Variants in PXDNL observed in about 807,000 individuals in gnomAD.
PXDNL encodes the protein peroxidasin like, also known as probable oxidoreductase PXDNL.
PXDNL carries 145 observed loss-of-function variants against 150.8 expected under a neutral mutation model. That is an observed-to-expected ratio of 0.96 (90% CI 0.84 to 1.10). PXDNL has a LOEUF of 1.10. Ranked by LOEUF, PXDNL falls within the 50% of genes least tolerant of loss-of-function variation. PXDNL has a pLI of 0.00. For synonymous variants in PXDNL, 757 were observed against 725.7 expected, an observed-to-expected ratio of 1.04 and a Z score of -0.69; for missense variants, 2,087 against 1,873.9, an observed-to-expected ratio of 1.11 and a Z score of -2.10.
chr8:51,539,095 C>T (rs532107542), intron 4 of PXDNL, among the ~76,000 whole-genome samples: 10 of 152,140 alleles, frequency 6.6e-5, no homozygotes, highest in Admixed American at 1.3e-4. Context: ...TGAAATTCAC[C>T]AAGGGTCTTT....
At chr8:51,374,279 T>G (rs1165358018) in intron 18 of PXDNL, among the ~76,000 whole-genome samples, 1 of 152,206 alleles carries the variant, frequency 6.6e-6, no homozygotes, top group Non-Finnish European at 1.5e-5. Flanking sequence ...GTGATACATG[T>G]CTAAAGTTAA....
intron 3 of PXDNL, among the ~76,000 whole-genome samples, chr8:51,570,597 T>A (rs892930832): frequency 1.3e-5 from 2 of 151,976 alleles, no homozygotes; most frequent in Admixed American, 1.3e-4. Flanking sequence ...TTCAGCAACA[T>A]GAAAACCCAC....
intron 4 of PXDNL, among the ~76,000 whole-genome samples, chr8:51,527,333 T>A (rs1023173914): frequency 2.6e-5 from 4 of 152,156 alleles, no homozygotes; most frequent in Non-Finnish European, 5.9e-5. Context: ...GTTTGCTCCC[T>A]GCCACCTCAT....
At chr8:51,465,657 C>T (rs2130054388) in intron 8 of PXDNL, among the ~76,000 whole-genome samples, 1 of 152,174 alleles carries the variant, frequency 6.6e-6, no homozygotes, top group Non-Finnish European at 1.5e-5. Context: ...AAACCCTACA[C>T]TCCACCAAAG....
chr8:51,638,903 T>A (rs981290609), intron 2 of PXDNL, among the ~76,000 whole-genome samples: 1 of 152,226 alleles, frequency 6.6e-6, no homozygotes, highest in Non-Finnish European at 1.5e-5. Flanking sequence ...TATACATTCA[T>A]GTCAGCACCA....
At chr8:51,781,634 T>C (rs984791600) in intron 1 of PXDNL, among the ~76,000 whole-genome samples, 3 of 152,186 alleles carry the variant, frequency 2.0e-5, no homozygotes, top group Admixed American at 2.0e-4. Flanking sequence ...TGCATTCACA[T>C]AAAACATGTT....
At chr8:51,527,859 G>T (rs1447583666) in intron 4 of PXDNL, among the ~76,000 whole-genome samples, 1 of 152,208 alleles carries the variant, frequency 6.6e-6, no homozygotes, top group Non-Finnish European at 1.5e-5. Context: ...AAAATATGGA[G>T]AAAAGGAAGC....
At chr8:51,495,352 A>G (rs1199853931) in intron 5 of PXDNL, among the ~76,000 whole-genome samples, 2 of 152,158 alleles carry the variant, frequency 1.3e-5, no homozygotes, top group Non-Finnish European at 2.9e-5. Flanking sequence ...TTGACACCCT[A>G]ACATCACAAT....
intron 19 of PXDNL, among the ~76,000 whole-genome samples, chr8:51,350,997 C>T (rs984927964): frequency 5.3e-5 from 8 of 152,170 alleles, no homozygotes; most frequent in African/African-American, 1.7e-4. Flanking sequence ...TGTTTCACCT[C>T]AATTAGAATC....
intron 1 of PXDNL, among the ~76,000 whole-genome samples, chr8:51,755,577 C>T (rs575804323): frequency 6.6e-6 from 1 of 152,200 alleles, no homozygotes; most frequent in Non-Finnish European, 1.5e-5. Context: ...CAGGCATTAG[C>T]CGCCATGCTC....
chr8:51,494,894 A>T (rs1811007081), intron 5 of PXDNL, among the ~76,000 whole-genome samples: 1 of 152,080 alleles, frequency 6.6e-6, no homozygotes, highest in Non-Finnish European at 1.5e-5. Flanking sequence ...TAACAAGGAT[A>T]TCCAGGAATT....
intron 17 of PXDNL, among the ~76,000 whole-genome samples, chr8:51,387,262 C>T (rs1807745988): frequency 6.6e-6 from 1 of 152,236 alleles, no homozygotes; most frequent in Admixed American, 6.5e-5. Flanking sequence ...GTTTCTCCAG[C>T]TCATAAGTCC....
At chr8:51,578,859 A>G (rs1211040275) in intron 3 of PXDNL, among the ~76,000 whole-genome samples, 1 of 152,018 alleles carries the variant, frequency 6.6e-6, no homozygotes, top group Non-Finnish European at 1.5e-5. Flanking sequence ...TCAGTGGAGG[A>G]AAGAAAGCAT....
chr8:51,640,773 T>C (rs925024622), intron 2 of PXDNL, among the ~76,000 whole-genome samples: 17 of 152,010 alleles, frequency 1.1e-4, no homozygotes, highest in Admixed American at 2.6e-4. Context: ...ACAATGGCCA[T>C]ACTGCCCAAG....
In PXDNL at chr8:51,408,961, T is replaced by C; in HGVS notation, c.2663A>G (p.Asn888Ser). 4 of 1,612,616 alleles carry C rather than the reference T, an allele frequency of 2.5e-6. No individual in the cohort carries two copies. The highest frequency in any genetic ancestry group is 3.4e-6 in the Non-Finnish European group (4 of 1,179,862). ...VDSVYAREQINQQTAYIDGSN... is the reference protein window; with the variant it reads ...VDSVYAREQISQQTAYIDGSN... ...GCCATCGATGTAGGCTGTTTGCTGGTTGATCTGCTCTCGTGCATAGACTGA... is the reference window on the plus strand; with the variant it reads ...GCCATCGATGTAGGCTGTTTGCTGGCTGATCTGCTCTCGTGCATAGACTGA... Residue 888 changes from asparagine (N) to serine (S), a missense_variant, in exon 17 of 23, where the codon AAC (asparagine) becomes AGC (serine). Transcript: ENST00000356297.
At chr8:51,644,092 G>C (rs927086412) in intron 2 of PXDNL, among the ~76,000 whole-genome samples, 2 of 151,566 alleles carry the variant, frequency 1.3e-5, no homozygotes, top group African/African-American at 4.8e-5. Flanking sequence ...CTTACAGTGA[G>C]CCGAGATCAT....
At chr8:51,328,859 A>G (rs1275271036) in intron 21 of PXDNL, among the ~76,000 whole-genome samples, 1 of 152,142 alleles carries the variant, frequency 6.6e-6, no homozygotes, top group Non-Finnish European at 1.5e-5. Context: ...CCTTCATGAA[A>G]AACACCCAAA....
chr8:51,661,197 C>T (rs75546203), intron 1 of PXDNL, among the ~76,000 whole-genome samples: 11,131 of 152,172 alleles, frequency 0.073, 1,356 homozygotes, highest in African/African-American at 0.25. Flanking sequence ...GTCATGTTCC[C>T]AGCTGAGGAA....
chr8:51,693,562 C>G (rs964001246), intron 1 of PXDNL, among the ~76,000 whole-genome samples: 16 of 152,128 alleles, frequency 1.1e-4, no homozygotes, highest in African/African-American at 3.9e-4. Context: ...TCACTGAGCC[C>G]AGGAGTTTGA....
Sources: gnomAD v4.1 joint callset for allele counts (sites outside exome capture counted in the v4.1 genomes callset) on GRCh38, gnomAD v4.1.1 for gene constraint, MANE v1.5 for transcripts, NCBI Gene and HGNC (gene_info 2026-07-23, HGNC 2026-07-21) for gene names.